EYA2: variants seen among roughly 807,000 people sequenced by gnomAD.
EYA2 encodes EYA transcriptional coactivator and phosphatase 2, also known as protein phosphatase EYA2.
A neutral mutation model predicts 69.2 loss-of-function variants in EYA2; 31 were observed. The observed-to-expected ratio is 0.45, with a 90% CI of 0.34 to 0.60. The LOEUF (loss-of-function observed/expected upper bound fraction) is 0.60, where lower values mean the gene tolerates loss of function less well. Among genes scored for constraint, EYA2 ranks in the 20% least tolerant of loss-of-function variants. The pLI is 0.02. For missense variants in EYA2, 622 were observed against 701.2 expected, an observed-to-expected ratio of 0.89 and a Z score of 1.28; for synonymous variants, 257 against 279.4, an observed-to-expected ratio of 0.92 and a Z score of 0.80.
chr20:47,001,014 G>A (rs553510905), intron 2 of EYA2, among the ~76,000 whole-genome samples: 2 of 152,080 alleles, frequency 1.3e-5, no homozygotes, highest in Non-Finnish European at 2.9e-5. Flanking sequence ...GAAGGGAGCG[G>A]TTTTCCATCC....
intron 1 of EYA2, among the ~76,000 whole-genome samples, chr20:46,914,209 A>C (rs989720623): frequency 6.6e-6 from 1 of 152,296 alleles, no homozygotes; most frequent in South Asian, 2.1e-4. Context: ...TTCCCTGACA[A>C]ATTTGTTGGA....
At chr20:47,006,041 C>G (rs1414032508) in intron 4 of EYA2, among the ~76,000 whole-genome samples, 1 of 152,214 alleles carries the variant, frequency 6.6e-6, no homozygotes, top group Non-Finnish European at 1.5e-5. Flanking sequence ...AATATCAGGA[C>G]TCAGCCTCTG....
At chr20:47,073,490 G>T (rs1467346528) in intron 6 of EYA2, among the ~76,000 whole-genome samples, 1 of 119,028 alleles carries the variant, frequency 8.4e-6, no homozygotes, top group African/African-American at 3.7e-5. Flanking sequence ...TTGTGTGTGT[G>T]TCGTGGGGGG....
At chr20:47,121,050 G>T (rs2033031727) in intron 9 of EYA2, among the ~76,000 whole-genome samples, 2 of 151,856 alleles carry the variant, frequency 1.3e-5, no homozygotes, top group African/African-American at 4.8e-5. Context: ...TTGTTTTCTG[G>T]GAGGCTTTTA....
At chr20:47,082,959 C>T (rs1600696018) in intron 7 of EYA2, among the ~76,000 whole-genome samples, 1 of 151,996 alleles carries the variant, frequency 6.6e-6, no homozygotes, top group African/African-American at 2.4e-5. Context: ...TTTGGGAGGC[C>T]GAAGAGGGAG....
chr20:46,903,660 A>G (rs1984223154), intron 1 of EYA2, among the ~76,000 whole-genome samples: 1 of 152,192 alleles, frequency 6.6e-6, no homozygotes, highest in Non-Finnish European at 1.5e-5. Flanking sequence ...AGGGTGAATA[A>G]TAATGCACCT....
At chr20:47,016,071 A>C (rs764647733) in intron 4 of EYA2, 110 bp from the exon 5 acceptor site, 29 of 798,844 alleles carry the variant, frequency 3.6e-5, no homozygotes, top group Non-Finnish European at 6.1e-5. Context: ...CCTCATTTGG[A>C]AGCTGATAAA....
At chr20:47,144,615 C>T (rs2033665506) in intron 10 of EYA2, among the ~76,000 whole-genome samples, 1 of 152,150 alleles carries the variant, frequency 6.6e-6, no homozygotes. Flanking sequence ...GGAATCCTTG[C>T]TGAAATAATC....
chr20:47,156,127 CATATATATATATATAT>C (rs752111640), intron 10 of EYA2, among the ~76,000 whole-genome samples: 214 of 14,370 alleles, frequency 0.015, 2 homozygotes, highest in Middle Eastern at 0.023. Flanking sequence ...CACACACACA[CATATATATATATATAT>C]ATATATATAT....
At chr20:46,908,897 T>TTTTTTTTTTTTTTTTTTTTTTTTTTTG (rs1984501846) in intron 1 of EYA2, among the ~76,000 whole-genome samples, 1 of 133,668 alleles carries the variant, frequency 7.5e-6, no homozygotes, top group African/African-American at 3.1e-5. Context: ...TTTTTTTTTT[T>TTTTTTTTTTTTTTTTTTTTTTTTTTTG]TTTTTTTTTT....
intron 1 of EYA2, among the ~76,000 whole-genome samples, chr20:46,967,647 A>G (rs1343945484): frequency 6.6e-6 from 1 of 152,146 alleles, no homozygotes; most frequent in Non-Finnish European, 1.5e-5. Flanking sequence ...TTTAAGGGAT[A>G]CCAGGTAAAA....
chr20:47,112,842 G>A (rs113676679), intron 9 of EYA2, among the ~76,000 whole-genome samples: 1,332 of 124,716 alleles, frequency 0.011, 19 homozygotes, highest in African/African-American at 0.035. Flanking sequence ...GGCTCCAAAA[G>A]TTAGATTTCA....
At chr20:46,922,497 G>A (rs1168135194) in intron 1 of EYA2, among the ~76,000 whole-genome samples, 2 of 152,170 alleles carry the variant, frequency 1.3e-5, no homozygotes, top group Non-Finnish European at 2.9e-5. Context: ...ACAACAGCAG[G>A]CTTCCATCTG....
chr20:47,150,787 A>G (rs1568810263), intron 10 of EYA2, among the ~76,000 whole-genome samples: 1 of 152,038 alleles, frequency 6.6e-6, no homozygotes, highest in South Asian at 2.1e-4. Flanking sequence ...CAGCAGGGAA[A>G]AGGAGGCAGA....
intron 1 of EYA2, among the ~76,000 whole-genome samples, chr20:46,921,390 C>T (rs1268098321): frequency 1.3e-5 from 2 of 152,244 alleles, no homozygotes; most frequent in Non-Finnish European, 1.5e-5. Flanking sequence ...CTCTGCAGTA[C>T]GTGATGCTTA....
intron 5 of EYA2, among the ~76,000 whole-genome samples, chr20:47,020,128 C>G (rs538749904): frequency 6.9e-6 from 1 of 144,844 alleles, no homozygotes; most frequent in South Asian, 2.3e-4. Flanking sequence ...CAGCATGACC[C>G]TGTCTCAAAA....
chr20:46,997,417 C>G (rs1447695725), intron 2 of EYA2, among the ~76,000 whole-genome samples: 1 of 152,154 alleles, frequency 6.6e-6, no homozygotes, highest in Non-Finnish European at 1.5e-5. Context: ...TGATCCCTCT[C>G]TCCTCACCCA....
At position 46,909,587 on chromosome 20, in the gene EYA2, C is replaced by T. The variant is rs118126335; in HGVS notation, c.-11+14600C>T. On this transcript the variant is annotated intron_variant, in intron 1 of 15. Coordinates refer to ENST00000327619, the MANE Select transcript of EYA2 (RefSeq NM_005244.5). ...GTATTGCCTTGGGAAATGAAAAGTT[C>T]GAGGAGGGCTGGTTTCAGGTACAGC... Among the ~76,000 whole-genome samples, 34 of 152,232 alleles carry T rather than the reference C, an allele frequency of 2.2e-4. No homozygotes were observed. In the East Asian group the frequency reaches 3.7e-3, roughly 16 times the overall value.
Position 46,955,276 on chromosome 20 carries a change from C to T in EYA2, c.-10-34725C>T, listed in dbSNP as rs146814538. ...CTCAGCCTGTAGCTGGGATTACAGG[C>T]GTGAGCCACCAGGCCCACCGGGCCC... On this transcript the variant is annotated intron_variant, in intron 1 of 15. Coordinates refer to ENST00000327619, the MANE Select transcript of EYA2 (RefSeq NM_005244.5). 4.7e-3 allele frequency among the ~76,000 whole-genome samples: 722 copies of T among 152,166 alleles called. 1 individual carries two copies. The highest frequency in any genetic ancestry group is 7.2e-3 in the Admixed American group (110 of 15,272).
Sources: gnomAD v4.1 joint callset for allele counts (sites outside exome capture counted in the v4.1 genomes callset) on GRCh38, gnomAD v4.1.1 for gene constraint, MANE v1.5 for transcripts, NCBI Gene and HGNC (gene_info 2026-07-23, HGNC 2026-07-21) for gene names.